DLGAP2: variants seen among roughly 807,000 people sequenced by gnomAD.
The protein encoded by DLGAP2 is DLG associated protein 2, also known as disks large-associated protein 2.
DLGAP2 carries 26 observed loss-of-function variants against 100.3 expected under a neutral mutation model. The observed-to-expected ratio is 0.26, with a 90% CI of 0.19 to 0.36. DLGAP2 has a LOEUF of 0.36. Ranked by LOEUF, DLGAP2 falls within the 10% of genes least tolerant of loss-of-function variation. The pLI is 1.00. For missense variants in DLGAP2, 1,858 were observed against 1,453.2 expected, an observed-to-expected ratio of 1.28 and a Z score of -4.53; for synonymous variants, 886 against 630.1, an observed-to-expected ratio of 1.41 and a Z score of -6.08.
At chr8:1,107,978 G>A (rs1804831931) in intron 2 of DLGAP2, among the ~76,000 whole-genome samples, 1 of 152,202 alleles carries the variant, frequency 6.6e-6, no homozygotes, top group Non-Finnish European at 1.5e-5. Context: ...TGAAGCGCCT[G>A]AAGCAAATAG....
At position 1,429,433 on chromosome 8, in the gene DLGAP2, G is replaced by C. The variant is rs547606723; in HGVS notation, c.107-71933G>C. On this transcript the variant is annotated intron_variant, in intron 3 of 14. Coordinates refer to ENST00000637795, the MANE Select transcript of DLGAP2 (RefSeq NM_001346810.2). ...CTCATGGGGTCCAGGATTGTGTCTT[G>C]TTCATTGCTGTGGCTTCCATACTAA... is the stretch of plus-strand genomic sequence containing the variant. Among the ~76,000 whole-genome samples the C allele has an allele frequency of 5.3e-5, 8 of 152,282 alleles. No homozygotes were observed. In the East Asian group the frequency reaches 1.5e-3, roughly 29 times the overall value.
intron 3 of DLGAP2, among the ~76,000 whole-genome samples, chr8:1,267,615 A>AAATAAAATAATAAAATAATAAAAT (rs1799489980): frequency 2.5e-4 from 30 of 121,196 alleles, no homozygotes; most frequent in African/African-American, 9.2e-4. Flanking sequence ...AGATAAGATA[A>AAATAAAATAATAAAATAATAAAAT]GATAAGATAA....
At chr8:771,020 A>C (rs1476745689) in intron 1 of DLGAP2, among the ~76,000 whole-genome samples, 1 of 152,030 alleles carries the variant, frequency 6.6e-6, no homozygotes, top group African/African-American at 2.4e-5. Flanking sequence ...TGGAAGTGTG[A>C]GTGTCCTATT....
chr8:1,125,127 A>G (rs1796136023), intron 2 of DLGAP2, among the ~76,000 whole-genome samples: 2 of 152,164 alleles, frequency 1.3e-5, no homozygotes, highest in Admixed American at 6.5e-5. Context: ...CCATTTTCCC[A>G]AGATTGACTT....
intron 1 of DLGAP2, among the ~76,000 whole-genome samples, chr8:842,485 A>C (rs980481760): frequency 6.6e-6 from 1 of 151,832 alleles, no homozygotes; most frequent in African/African-American, 2.4e-5. Context: ...GAGGACTTTT[A>C]CTCTCTTTAT....
At chr8:1,334,026 G>A (rs933089189) in intron 3 of DLGAP2, among the ~76,000 whole-genome samples, 1 of 152,236 alleles carries the variant, frequency 6.6e-6, no homozygotes, top group African/African-American at 2.4e-5. Flanking sequence ...TTCCTTGCGT[G>A]AGGAAGGCCC....
At chr8:1,505,214 C>G (rs1394272011) in intron 4 of DLGAP2, among the ~76,000 whole-genome samples, 1 of 152,096 alleles carries the variant, frequency 6.6e-6, no homozygotes, top group East Asian at 1.9e-4. Context: ...ATCTATAATT[C>G]TACTGGGTCA....
intron 8 of DLGAP2, among the ~76,000 whole-genome samples, chr8:1,667,578 C>G (rs556923487): frequency 1.3e-5 from 2 of 152,282 alleles, no homozygotes; most frequent in East Asian, 1.9e-4. Flanking sequence ...AGTAGCTATT[C>G]GTTATAATGA....
chr8:1,537,229 C>T (rs894085710), intron 4 of DLGAP2, among the ~76,000 whole-genome samples: 1 of 152,058 alleles, frequency 6.6e-6, no homozygotes, highest in Non-Finnish European at 1.5e-5. Flanking sequence ...GCATGTGCAT[C>T]TGTGTGTTTG....
At chr8:1,164,170 G>A (rs58364891) in intron 2 of DLGAP2, among the ~76,000 whole-genome samples, 18 of 57,100 alleles carry the variant, frequency 3.2e-4, no homozygotes, top group East Asian at 1.0e-3. Context: ...CCCAGGGCCC[G>A]TCATTTTGGT....
At chr8:912,611 C>G (rs999220554) in intron 2 of DLGAP2, among the ~76,000 whole-genome samples, 1 of 151,904 alleles carries the variant, frequency 6.6e-6, no homozygotes, top group East Asian at 1.9e-4. Context: ...GCTCCTGCTC[C>G]GTGGTGCCCG....
chr8:1,599,492 C>G (rs1026054103), intron 6 of DLGAP2, among the ~76,000 whole-genome samples: 1 of 152,144 alleles, frequency 6.6e-6, no homozygotes, highest in Non-Finnish European at 1.5e-5. Context: ...GTATGGGAGT[C>G]TAAGTCTCTT....
intron 3 of DLGAP2, among the ~76,000 whole-genome samples, chr8:1,389,189 G>A (rs551728622): frequency 1.2e-4 from 19 of 152,260 alleles, no homozygotes; most frequent in Admixed American, 3.9e-4. Flanking sequence ...CGGGAGGCAC[G>A]TGGACCTCTT....
intron 2 of DLGAP2, among the ~76,000 whole-genome samples, chr8:1,174,345 C>A (rs1165964735): frequency 6.6e-6 from 1 of 151,452 alleles, no homozygotes; most frequent in Non-Finnish European, 1.5e-5. Context: ...ACCATTACCA[C>A]CATCATTACC....
At chr8:1,029,765 T>C (rs982902369) in intron 2 of DLGAP2, among the ~76,000 whole-genome samples, 5 of 151,836 alleles carry the variant, frequency 3.3e-5, no homozygotes, top group African/African-American at 1.2e-4. Flanking sequence ...CAAAGGGGGA[T>C]GGAGAGAAGG....
chr8:1,492,106 C>T (rs1799406769), intron 3 of DLGAP2, among the ~76,000 whole-genome samples: 1 of 152,176 alleles, frequency 6.6e-6, no homozygotes, highest in African/African-American at 2.4e-5. Flanking sequence ...GACATTTAAC[C>T]ACTGGTAAAA....
intron 2 of DLGAP2, among the ~76,000 whole-genome samples, chr8:956,445 G>C (rs1019116288): frequency 6.6e-6 from 1 of 152,160 alleles, no homozygotes; most frequent in Non-Finnish European, 1.5e-5. Flanking sequence ...GCCAGTGAAG[G>C]CCAAATGAGA....
intron 3 of DLGAP2, among the ~76,000 whole-genome samples, chr8:1,348,924 C>A (rs1424851978): frequency 6.6e-6 from 1 of 152,082 alleles, no homozygotes; most frequent in East Asian, 1.9e-4. Context: ...TGGATGTGAC[C>A]TGGATTATAT....
At chr8:1,478,571 G>T (rs956933731) in intron 3 of DLGAP2, among the ~76,000 whole-genome samples, 12 of 152,180 alleles carry the variant, frequency 7.9e-5, no homozygotes, top group African/African-American at 2.9e-4. Flanking sequence ...CAAACCAACA[G>T]AATAGATCTG....
Sources: gnomAD v4.1 joint callset for allele counts (sites outside exome capture counted in the v4.1 genomes callset) on GRCh38, gnomAD v4.1.1 for gene constraint, MANE v1.5 for transcripts, NCBI Gene and HGNC (gene_info 2026-07-23, HGNC 2026-07-21) for gene names.